KRT37: variants seen among roughly 807,000 people sequenced by gnomAD.
KRT37 encodes the protein keratin, type I cuticular Ha7.
A neutral mutation model predicts 41.9 loss-of-function variants in KRT37; 38 were observed. The ratio of observed to expected loss-of-function variants is 0.91; its 90% CI spans 0.70 to 1.19. KRT37 has a LOEUF of 1.19. KRT37 is among the 50% of genes most tolerant of loss of function. KRT37 has a pLI of 0.00. For synonymous variants in KRT37, 252 were observed against 243.4 expected, an observed-to-expected ratio of 1.04 and a Z score of -0.33; for missense variants, 580 against 575.5, an observed-to-expected ratio of 1.01 and a Z score of -0.08.
At chr17:41,423,561 T>C (rs2018572334) in intron 2 of KRT37, 1 of 575,570 alleles carries the variant, frequency 1.7e-6, no homozygotes, top group Admixed American at 3.1e-5. Flanking sequence ...CTACAGCCCT[T>C]CTTTTTCTTT....
rs892320355 is a variant in KRT37, at chr17:41,422,663, A to C, written c.732+115T>G. ...CCCTCTGGACCCTCAGACCCACCTC[A>C]GCCCTGCATCCTTAGGCCAGCTGAG... On this transcript the variant is annotated intron_variant, in intron 3 of 6. Coordinates refer to ENST00000225550, the MANE Select transcript of KRT37 (RefSeq NM_003770.5). 3 of 1,297,586 alleles carry C rather than the reference A, an allele frequency of 2.3e-6. No individual in the cohort carries two copies. The Admixed American group carries it at 8.0e-5, about 35-fold the overall frequency. The allele number at this position is 1,297,586 out of a possible 1,614,324, so 80.4% of individuals were successfully genotyped here. A position where few individuals can be genotyped will look rare whatever the true frequency, so the allele number is the denominator to read the frequency against.
intron 6 of KRT37, 67 bp downstream of exon 6, chr17:41,421,300 C>T (rs148664997): frequency 1.3e-6 from 2 of 1,531,714 alleles, no homozygotes; most frequent in African/African-American, 2.7e-5. Context: ...GCAAGCACTT[C>T]CATTACCTCT....
At position 41,422,817 on chromosome 17, in the gene KRT37, C is replaced by T. The variant is rs755326771; in HGVS notation, c.693G>A (p.Leu231=). The T allele has an allele frequency of 1.4e-5, 23 of 1,613,634 alleles. No individual in the cohort carries two copies. The highest frequency in any genetic ancestry group is 7.6e-6 in the Non-Finnish European group (9 of 1,179,842). Residue 231 remains leucine (L), a synonymous_variant, in exon 3 of 7, where the codon CTG becomes CTA. Transcript: ENST00000225550. ...TCTTGAGGGAGAGCTGCTCCTCCTT[C>T]AGGGACTCCTGCTGGGCCTCCAGGT... ...KADLEAQQES[L]KEEQLSLKSN...
Position 41,424,367 on chromosome 17 carries a change from T to A in KRT37, c.157A>T (p.Asn53Tyr). The change falls in exon 1 of 7, where the codon AAC becomes TAC. Residue 53 changes from asparagine (N) to tyrosine (Y), a missense_variant. Physicochemically the swap from Asn to Tyr is moderately radical, Grantham distance 143. Coordinates refer to ENST00000225550, the MANE Select transcript of KRT37 (RefSeq NM_003770.5). ...GGAGTCGACCCCACACGGACTCTGTTGGCGTGTGCCACGTTGGCCAAGAGG... is the reference window on the plus strand; with the variant it reads ...GGAGTCGACCCCACACGGACTCTGTAGGCGTGTGCCACGTTGGCCAAGAGG... ...MCLLANVAHA[N>Y]RVRVGSTPLG... 1 of 1,613,950 alleles carries A rather than the reference T, an allele frequency of 6.2e-7. No homozygotes were observed. The highest frequency in any genetic ancestry group is 1.1e-5 in the South Asian group (1 of 91,080).
rs1486247225 is a variant in KRT37 at position 41,420,992 on chromosome 17, G to A, written c.1242-6C>T. On this transcript the variant is annotated splice_polypyrimidine_tract_variant and splice_region_variant and intron_variant, in intron 6 of 6. Transcript: ENST00000225550. Reference sequence around the variant, plus strand: ...AACAGGGATTGCAGGGGAGTCTGCAGGGAGAGAAAGAAGAGTTACATTAAA... The same window carrying A: ...AACAGGGATTGCAGGGGAGTCTGCAAGGAGAGAAAGAAGAGTTACATTAAA... 2.5e-6 allele frequency: 4 copies of A among 1,595,410 alleles called. No homozygotes were observed. Among genetic ancestry groups the A allele is most frequent in the Non-Finnish European group, 3.4e-6 (4 of 1,163,330 alleles).
chr17:41,423,038 C>T, intron 2 of KRT37, 104 bp from the exon 3 acceptor site: 6 of 1,400,526 alleles, frequency 4.3e-6, no homozygotes, highest in South Asian at 2.7e-5. Flanking sequence ...TATTTGTTCA[C>T]GTGGGCAGTA....
rs145276545 is a variant in KRT37 at position 41,422,878 on chromosome 17, T to A, written c.632A>T (p.Gln211Leu). 31 of 1,614,080 alleles carry A rather than the reference T, an allele frequency of 1.9e-5. No individual in the cohort carries two copies. The highest frequency in any genetic ancestry group is 3.3e-5 in the Admixed American group (2 of 60,004). The change falls in exon 3 of 7, where the codon CAG becomes CTG. Residue 211 changes from glutamine (Q) to leucine (L), a missense_variant. Transcript: ENST00000225550. ...QLVEADKCGT[Q>L]KLLDDATLAK... ...CAGGGTCGCGTCATCCAGGAGCTTC[T>A]GCGTCCCGCACTTGTCCGCCTCCAC...
chr17:41,420,828 T>C lies in KRT37; in HGVS notation c.*50A>G. On this transcript the variant is annotated 3_prime_UTR_variant, in exon 7 of 7. Coordinates refer to ENST00000225550, the MANE Select transcript of KRT37 (RefSeq NM_003770.5). Reference sequence around the variant, plus strand: ...GGAAGACTGGGCAAGGTGAGGGCACTCCTGACCCCAGTGCAACCAGCCTCA... The same window carrying C: ...GGAAGACTGGGCAAGGTGAGGGCACCCCTGACCCCAGTGCAACCAGCCTCA... 7.6e-7 allele frequency: 1 copy of C among 1,307,950 alleles called. No homozygotes were observed. The highest frequency in any genetic ancestry group is 1.1e-6 in the Non-Finnish European group (1 of 907,860). The allele number at this position is 1,307,950 out of a possible 1,614,324, so 81.0% of individuals were successfully genotyped here.
At position 41,422,095 on chromosome 17, in the gene KRT37, C is replaced by T. The variant is rs746977508; in HGVS notation, c.994G>A (p.Val332Met). ...AAGGTGTGCTGGGCTTGGCGCTCCA[C>T]CTCCAGGGCATTCACCGTGCATCTC... is the stretch of plus-strand genomic sequence containing the variant. ...ELRCTVNALEVERQAQHTLKD... is the reference protein window; with the variant it reads ...ELRCTVNALEMERQAQHTLKD... The change falls in exon 5 of 7, where the codon GTG becomes ATG. Residue 332 changes from valine to methionine, a missense_variant. Physicochemically the swap from Val to Met is conservative, Grantham distance 21. Transcript: ENST00000225550. 2.5e-6 allele frequency: 4 copies of T among 1,614,200 alleles called. No individual in the cohort carries two copies. Among genetic ancestry groups the T allele is most frequent in the South Asian group, 2.2e-5 (2 of 91,082 alleles).
In KRT37 at chr17:41,421,490, A is replaced by G. The variant is rs767477762; in HGVS notation, c.1118T>C (p.Leu373Ser). The change falls in exon 6 of 7, where the codon TTG (leucine) becomes TCG (serine). Residue 373 changes from leucine (L) to serine (S), a missense_variant. Leu to Ser is a moderately radical substitution (Grantham distance 145, BLOSUM62 -2). Transcript: ENST00000225550. ...CTCCAGGTCGGCCCGGATCTCAGAC[A>G]ACTGCTCTTCCAAGTTGCTAATGAG... Reference protein sequence around the residue: ...QSLISNLEEQLSEIRADLERQ... With the variant: ...QSLISNLEEQSSEIRADLERQ... 47 of 1,614,048 alleles carry G rather than the reference A, an allele frequency of 2.9e-5. No homozygotes were observed. The Admixed American group carries it at 3.2e-4, about 11-fold the overall frequency.
In KRT37 at chr17:41,421,522, C is replaced by T. The variant is rs2018539490; in HGVS notation, c.1086G>A (p.Met362Ile). 3.7e-6 allele frequency: 6 copies of T among 1,614,130 alleles called. No homozygotes were observed. In the South Asian group the frequency reaches 6.6e-5, roughly 18 times the overall value. ...EDRYGTELAQMQSLISNLEEQ... is the reference protein window; with the variant it reads ...EDRYGTELAQIQSLISNLEEQ... The stretch of plus-strand genomic sequence containing the variant: ...CTTCCAAGTTGCTAATGAGGCTCTG[C>T]ATCTGGGCCAGCTCTGTGCCGTAGC... Residue 362 changes from methionine to isoleucine, a missense_variant, in exon 6 of 7, where the codon ATG becomes ATA. By Grantham distance (10) the Met-to-Ile change is conservative. Transcript: ENST00000225550.
At chr17:41,422,022 A>G (rs1239570139) in intron 5 of KRT37, 47 bp downstream of exon 5, 1 of 1,613,574 alleles carries the variant, frequency 6.2e-7, no homozygotes, top group African/African-American at 1.3e-5. Context: ...TACTACCAGG[A>G]CATGGCATGG....
chr17:41,422,461 C>CTGCGTA, intron 3 of KRT37, 27 bp from the exon 4 acceptor site: 1 of 1,612,134 alleles, frequency 6.2e-7, no homozygotes, highest in Non-Finnish European at 8.5e-7. Flanking sequence ...GATAGACAGC[C>CTGCGTA]TGCGTAAGGA....
At position 41,421,457 on chromosome 17, in the gene KRT37, T is replaced by A; in HGVS notation, c.1151A>T (p.Asn384Ile). The change falls in exon 6 of 7, where the codon AAC becomes ATC. Residue 384 changes from asparagine (N) to isoleucine (I), a missense_variant. By Grantham distance (149) the Asn-to-Ile change is moderately radical. Transcript: ENST00000225550. The stretch of plus-strand genomic sequence containing the variant: ...GTCCAGCAGCACCTGGTACTCCTGG[T>A]TCTGCCGCTCCAGGTCGGCCCGGAT... The part of the protein sequence containing the change: ...SEIRADLERQ[N>I]QEYQVLLDVK... 1 of 1,614,228 alleles carries A rather than the reference T, an allele frequency of 6.2e-7. No homozygotes were observed. Among genetic ancestry groups the A allele is most frequent in the Non-Finnish European group, 8.5e-7 (1 of 1,180,040 alleles).
rs753731759 is a variant in KRT37 at position 41,424,232 on chromosome 17, T to A, written c.292A>T (p.Asn98Tyr). 2 of 1,614,198 alleles carry A rather than the reference T, an allele frequency of 1.2e-6. No homozygotes were observed. The highest frequency in any genetic ancestry group is 1.7e-6 in the Non-Finnish European group (2 of 1,180,034). The change falls in exon 1 of 7, where the codon AAC (asparagine) becomes TAC (tyrosine). Residue 98 changes from asparagine to tyrosine, a missense_variant. Coordinates refer to ENST00000225550, the MANE Select transcript of KRT37 (RefSeq NM_003770.5). ...TCCTTCTCATGGCCATTCAGGGTGT[T>A]TTTGCCGTAGGCCCCACAGATTCCG... Reference protein sequence around the residue: ...NIGICGAYGKNTLNGHEKETM... With the variant: ...NIGICGAYGKYTLNGHEKETM...
Position 41,421,525 on chromosome 17 carries a change from C to G in KRT37, c.1083G>C (p.Gln361His). 6.2e-7 allele frequency: 1 copy of G among 1,614,244 alleles called. No homozygotes were observed. Among genetic ancestry groups the G allele is most frequent in the Non-Finnish European group, 8.5e-7 (1 of 1,180,050 alleles). Residue 361 changes from glutamine (Q) to histidine (H), a missense_variant, in exon 6 of 7, where the codon CAG becomes CAC. Physicochemically the swap from Gln to His is conservative, Grantham distance 24. Transcript: ENST00000225550. ...AEDRYGTELA[Q>H]MQSLISNLEE... ...CCAAGTTGCTAATGAGGCTCTGCAT[C>G]TGGGCCAGCTCTGTGCCGTAGCGGT...
At position 41,422,138 on chromosome 17, in the gene KRT37, C is replaced by G. The variant is rs1455216075; in HGVS notation, c.951G>C (p.Gln317His). ...TGCATCTCAGCTCCAGGATCTCCGA[C>G]TGGCAGCACTGCAGCTCCTCGGAGC... ...MSCSEELQCCQSEILELRCTV... is the reference protein window; with the variant it reads ...MSCSEELQCCHSEILELRCTV... The change falls in exon 5 of 7, where the codon CAG becomes CAC. Residue 317 changes from glutamine to histidine, a missense_variant. Gln to His is a conservative substitution (Grantham distance 24). Transcript: ENST00000225550. 1 of 1,614,108 alleles carries G rather than the reference C, an allele frequency of 6.2e-7. No homozygotes were observed. The highest frequency in any genetic ancestry group is 1.3e-5 in the African/African-American group (1 of 74,932).
At chr17:41,423,919 C>CAGGCTG in intron 1 of KRT37, 75 bp from the exon 2 acceptor site, 1 of 1,607,032 alleles carries the variant, frequency 6.2e-7, no homozygotes, top group Non-Finnish European at 8.5e-7. Context: ...GGTATTTACG[C>CAGGCTG]TCATGTCCAA....
At chr17:41,423,206 T>G in intron 2 of KRT37, 1 of 398,008 alleles carries the variant, frequency 2.5e-6, no homozygotes, top group Non-Finnish European at 4.4e-6. Flanking sequence ...TGTTCTGACT[T>G]CAAATGCAGC....
Sources: gnomAD v4.1 joint callset for allele counts on GRCh38, gnomAD v4.1.1 for gene constraint, MANE v1.5 for transcripts, NCBI Gene and HGNC (gene_info 2026-07-23, HGNC 2026-07-21) for gene names.